MS4A13: variants seen among roughly 807,000 people sequenced by gnomAD.
The protein encoded by MS4A13 is membrane spanning 4-domains A13.
MS4A13 carries 21 observed loss-of-function variants against 18.4 expected under a neutral mutation model. That is an observed-to-expected ratio of 1.14 (90% CI 0.81 to 1.64). The LOEUF is 1.64. MS4A13 is among the 40% of genes most tolerant of loss of function. The pLI is 0.00. For synonymous variants in MS4A13, 62 were observed against 57.2 expected, an observed-to-expected ratio of 1.08 and a Z score of -0.38; for missense variants, 173 against 176.8, an observed-to-expected ratio of 0.98 and a Z score of 0.12.
At chr11:60,528,975 G>C (rs2086740546) in intron 5 of MS4A13, among the ~76,000 whole-genome samples, 2 of 152,186 alleles carry the variant, frequency 1.3e-5, no homozygotes, top group Admixed American at 1.3e-4. Context: ...TGTTTTAATA[G>C]AAAAGGATTG....
intron 2 of MS4A13, among the ~76,000 whole-genome samples, chr11:60,516,791 T>A (rs1156882049): frequency 6.6e-6 from 1 of 152,204 alleles, no homozygotes; most frequent in Non-Finnish European, 1.5e-5. Context: ...TGGCAGTTCT[T>A]AACAAGCATT....
rs71043705 is a variant in MS4A13, at chr11:60,522,239, G to GATGTATATATATATATATATCTATAT, written c.130-1645_130-1644insTATATATCTATATATGTATATATATA. On this transcript the variant is annotated intron_variant, in intron 3 of 6. Transcript: ENST00000378186. ...AGATAGATAGATAGATAGATAGATAGATGTATATATATAGATATATACACA... is the reference window on the plus strand; with the variant it reads ...AGATAGATAGATAGATAGATAGATAGATGTATATATATATATATATCTATATATGTATATATATAGATATATACACA... Among the ~76,000 whole-genome samples the GATGTATATATATATATATATCTATAT allele has an allele frequency of 2.2e-4, 29 of 133,886 alleles. 1 individual carries two copies. The South Asian group carries it at 5.0e-3, about 23-fold the overall frequency. The allele number at this position is 133,886 out of a possible 152,430, so 87.8% of individuals were successfully genotyped here. A position where few individuals can be genotyped will look rare whatever the true frequency, so the allele number is the denominator to read the frequency against.
chr11:60,542,856 CTG>C (rs2086872580), downstream of MS4A13: 1 of 232,570 alleles, frequency 4.3e-6, no homozygotes, highest in African/African-American at 2.3e-5. Context: ...TTGTAAGAGA[CTG>C]TAAAAAAGAT....
chr11:60,535,043 T>C (rs2086796632), intron 6 of MS4A13, among the ~76,000 whole-genome samples: 1 of 3,964 alleles, frequency 2.5e-4, no homozygotes, highest in Non-Finnish European at 5.4e-4. Context: ...GGGAAATTTA[T>C]AGCACTAAAT....
At chr11:60,524,520 A>T (rs1211539573) in intron 4 of MS4A13, among the ~76,000 whole-genome samples, 3 of 152,184 alleles carry the variant, frequency 2.0e-5, no homozygotes, top group African/African-American at 7.2e-5. Flanking sequence ...AAAACCCAGG[A>T]TTAAAATTTT....
Position 60,542,619 on chromosome 11 carries a change from G to A in MS4A13, c.*44G>A, listed in dbSNP as rs2086870196. On this transcript the variant is annotated 3_prime_UTR_variant, in exon 7 of 7. Transcript: ENST00000378186. ...AATTTTGCTGTTGCTGATGCCTGGTGTGGGTCCTAATGATATCTCTGTATA... is the reference window on the plus strand; with the variant it reads ...AATTTTGCTGTTGCTGATGCCTGGTATGGGTCCTAATGATATCTCTGTATA... 3.1e-6 allele frequency: 4 copies of A among 1,293,818 alleles called. No homozygotes were observed. The highest frequency in any genetic ancestry group is 2.5e-5 in the South Asian group (2 of 79,440). The allele number at this position is 1,293,818 out of a possible 1,614,324, so 80.1% of individuals were successfully genotyped here. A position where few individuals can be genotyped will look rare whatever the true frequency, so the allele number is the denominator to read the frequency against.
At chr11:60,540,838 C>T (rs2135273901) in intron 6 of MS4A13, among the ~76,000 whole-genome samples, 1 of 151,832 alleles carries the variant, frequency 6.6e-6, no homozygotes, top group South Asian at 2.1e-4. Flanking sequence ...CCTGTGGTCC[C>T]AGCTACTTAG....
At chr11:60,540,309 A>G (rs2086846898) in intron 6 of MS4A13, among the ~76,000 whole-genome samples, 1 of 152,234 alleles carries the variant, frequency 6.6e-6, no homozygotes, top group Non-Finnish European at 1.5e-5. Context: ...GATTTGGTCC[A>G]TGTATCATAG....
At chr11:60,531,225 A>G (rs2086764108) in intron 6 of MS4A13, among the ~76,000 whole-genome samples, 2 of 152,120 alleles carry the variant, frequency 1.3e-5, no homozygotes, top group Non-Finnish European at 1.5e-5. Flanking sequence ...AATCCCAGTG[A>G]CAAACAAGCA....
At chr11:60,539,026 C>A (rs2086834965) in intron 6 of MS4A13, among the ~76,000 whole-genome samples, 1 of 134,708 alleles carries the variant, frequency 7.4e-6, no homozygotes, top group South Asian at 2.6e-4. Context: ...CTGCAAACAA[C>A]CTGAATGATC....
intron 6 of MS4A13, among the ~76,000 whole-genome samples, chr11:60,531,330 T>C (rs2086765207): frequency 6.6e-6 from 1 of 152,132 alleles, no homozygotes; most frequent in South Asian, 2.1e-4. Context: ...AACAGAGAAA[T>C]TTGAAGAACA....
In MS4A13 at chr11:60,542,162, AAGAG is replaced by A. The variant is rs1565217365; in HGVS notation, c.403-347_403-344del. On this transcript the variant is annotated intron_variant, in intron 6 of 6. Coordinates refer to ENST00000378186, the MANE Select transcript of MS4A13 (RefSeq NM_001012417.3). ...GGAAGGAAGGAATGTAGGAAGGAAA[AAGAG>A]AGAGAGAGAAAGAAAGAAGAAAGGG... Among the ~76,000 whole-genome samples, 4 of 150,232 alleles carry A rather than the reference AAGAG, an allele frequency of 2.7e-5. No individual in the cohort carries two copies. In the South Asian group the frequency reaches 6.4e-4, roughly 24 times the overall value.
chr11:60,525,469 A>C (rs911855821), intron 5 of MS4A13, 143 bp downstream of exon 5: 8 of 509,324 alleles, frequency 1.6e-5, no homozygotes, highest in Admixed American at 3.9e-5. Context: ...TGAAAATTTT[A>C]AATCAAAAAT....
At chr11:60,539,207 AAT>A (rs2086836832) in intron 6 of MS4A13, among the ~76,000 whole-genome samples, 2 of 145,538 alleles carry the variant, frequency 1.4e-5, no homozygotes, top group Non-Finnish European at 3.0e-5. Flanking sequence ...AAAAAAAAAA[AAT>A]TTAGTAAAGT....
intron 6 of MS4A13, among the ~76,000 whole-genome samples, chr11:60,541,125 G>T (rs1281061135): frequency 6.6e-6 from 1 of 152,144 alleles, no homozygotes; most frequent in African/African-American, 2.4e-5. Context: ...AATGCCAACT[G>T]ATAGCAAAGA....
chr11:60,521,331 T>G (rs149695230), intron 3 of MS4A13, among the ~76,000 whole-genome samples: 12,139 of 152,222 alleles, frequency 0.08, 581 homozygotes, highest in African/African-American at 0.13. Context: ...AGAAAATGGG[T>G]TTTTCTTTTC....
intron 2 of MS4A13, 131 bp from the exon 3 acceptor site, chr11:60,517,941 T>TA: frequency 3.1e-6 from 2 of 636,122 alleles, no homozygotes; most frequent in South Asian, 5.7e-5. Flanking sequence ...ATCCAGGAAA[T>TA]ACATCATTAA....
intron 6 of MS4A13, among the ~76,000 whole-genome samples, chr11:60,533,365 C>T (rs1443898710): frequency 1.7e-5 from 2 of 120,972 alleles, no homozygotes; most frequent in Admixed American, 9.3e-5. Flanking sequence ...TCAAGAACTA[C>T]GTGAAGAATG....
chr11:60,525,365 A>G, intron 5 of MS4A13, 39 bp downstream of exon 5: 1 of 1,389,948 alleles, frequency 7.2e-7, no homozygotes. Flanking sequence ...TAATTTTAAA[A>G]TTATTCTTTT....
Sources: gnomAD v4.1 joint callset for allele counts (sites outside exome capture counted in the v4.1 genomes callset) on GRCh38, gnomAD v4.1.1 for gene constraint, MANE v1.5 for transcripts, NCBI Gene and HGNC (gene_info 2026-07-23, HGNC 2026-07-21) for gene names.